The following WNK4 variants were observed in gnomAD, a reference collection of about 807,000 sequenced individuals.
WNK4 encodes the protein serine/threonine-protein kinase WNK4.
A neutral mutation model predicts 116.2 loss-of-function variants in WNK4; 94 were observed. The observed-to-expected ratio is 0.81, with a 90% CI of 0.68 to 0.96. The LOEUF (loss-of-function observed/expected upper bound fraction) is 0.96, where lower values mean the gene tolerates loss of function less well. WNK4 is among the 40% of genes least tolerant of loss of function. The pLI, the probability that WNK4 is intolerant of heterozygous loss-of-function variation, is 0.00. For missense variants in WNK4, 1,542 were observed against 1,650.6 expected, an observed-to-expected ratio of 0.93 and a Z score of 1.14; for synonymous variants, 655 against 672.7, an observed-to-expected ratio of 0.97 and a Z score of 0.41.
Position 42,795,168 on chromosome 17 carries a change from C to G in WNK4, c.2747C>G (p.Pro916Arg). 6.2e-7 allele frequency: 1 copy of G among 1,614,026 alleles called. No homozygotes were observed. The highest frequency in any genetic ancestry group is 1.1e-5 in the South Asian group (1 of 91,072). Residue 916 changes from proline to arginine, a missense_variant, in exon 14 of 19, where the codon CCC (proline) becomes CGC (arginine). Coordinates refer to ENST00000246914, the MANE Select transcript of WNK4 (RefSeq NM_032387.5). ...FPPCPSTSSF[P>R]STTAAPLLSL... The stretch of plus-strand genomic sequence containing the variant: ...CCGTGCCCCTCCACTTCTTCCTTCC[C>G]CTCCACCACAGCAGCCCCTCTCCTT...
rs199875683 is a variant in WNK4, at chr17:42,796,671, T to C, written c.3730-15T>C. 3.1e-6 allele frequency: 5 copies of C among 1,614,184 alleles called. No individual in the cohort carries two copies. Among genetic ancestry groups the C allele is most frequent in the Non-Finnish European group, 4.2e-6 (5 of 1,180,024 alleles). On this transcript the variant is annotated splice_polypyrimidine_tract_variant and intron_variant, in intron 18 of 18. Transcript: ENST00000246914. ...ACCTTGGAGGTTTCTTCATCACTTTTTCTTTTCCCTCCAGTGAATTCAGAA... is the reference window on the plus strand; with the variant it reads ...ACCTTGGAGGTTTCTTCATCACTTTCTCTTTTCCCTCCAGTGAATTCAGAA...
Position 42,796,904 on chromosome 17 carries a change from C to A in WNK4, c.*216C>A. The A allele has an allele frequency of 2.3e-6, 2 of 883,682 alleles. No homozygotes were observed. The highest frequency in any genetic ancestry group is 3.4e-6 in the Non-Finnish European group (2 of 590,140). The allele number at this position is 883,682 out of a possible 1,614,324, so 54.7% of individuals were successfully genotyped here. ...CTGTGTGGAGGTGTTAGTTCTGCTG[C>A]CTACCATCTTCATCTCTAGCACCTC... On this transcript the variant is annotated 3_prime_UTR_variant, in exon 19 of 19. Transcript: ENST00000246914.
rs370527167 is a variant in WNK4 at position 42,780,790 on chromosome 17, C to A, written c.92C>A (p.Ala31Glu). 5.4e-5 allele frequency: 86 copies of A among 1,603,898 alleles called. No individual in the cohort carries two copies. In the East Asian group the frequency reaches 1.5e-3, roughly 27 times the overall value. Residue 31 changes from alanine (A) to glutamate (E), a missense_variant, in exon 1 of 19, where the codon GCG (alanine) becomes GAG (glutamate). By Grantham distance (107) the Ala-to-Glu change is moderately radical (BLOSUM62 -1). Transcript: ENST00000246914. ...ALRPPPPLGT[A>E]GQPRLGPPPR... ...CGGCCCCCGCCTCCTCTTGGCACCG[C>A]GGGGCAGCCCCGCCTCGGGCCCCCT... is the stretch of plus-strand genomic sequence containing the variant.
chr17:42,785,813 G>C (rs1210736009), intron 6 of WNK4, among the ~76,000 whole-genome samples: 1 of 151,492 alleles, frequency 6.6e-6, no homozygotes, highest in Non-Finnish European at 1.5e-5. Flanking sequence ...CTTCCAATAT[G>C]ATCAGAACCA....
At position 42,796,377 on chromosome 17, in the gene WNK4, C is replaced by A. The variant is rs533231419; in HGVS notation, c.3631+55C>A. On this transcript the variant is annotated intron_variant, in intron 17 of 18. Coordinates refer to ENST00000246914, the MANE Select transcript of WNK4 (RefSeq NM_032387.5). ...TTTCCCTGAGACCCCTTTCTGTCGA[C>A]TGTTTTTCTCCAGGCCCTGGGGGTC... is the stretch of plus-strand genomic sequence containing the variant. The A allele has an allele frequency of 1.4e-5, 23 of 1,611,566 alleles. No individual in the cohort carries two copies. The South Asian group carries it at 2.5e-4, about 18-fold the overall frequency.
chr17:42,781,461 C>T, intron 1 of WNK4, 145 bp downstream of exon 1: 2 of 1,148,500 alleles, frequency 1.7e-6, no homozygotes, highest in East Asian at 2.6e-5. Context: ...TGTCTTTGCC[C>T]TGAATGATCT....
In WNK4 at chr17:42,781,350, G is replaced by T. The variant is rs61754329; in HGVS notation, c.618+34G>T. On this transcript the variant is annotated intron_variant, in intron 1 of 18. Coordinates refer to ENST00000246914, the MANE Select transcript of WNK4 (RefSeq NM_032387.5). ...GGGAGCCCCCTCGGTGGCACCTTGGGATGGGACTCTGGAGGTCTTAGGATG... is the reference window on the plus strand; with the variant it reads ...GGGAGCCCCCTCGGTGGCACCTTGGTATGGGACTCTGGAGGTCTTAGGATG... 3.8e-5 allele frequency: 61 copies of T among 1,613,856 alleles called. No individual in the cohort carries two copies. In the African/African-American group the frequency reaches 7.3e-4, roughly 19 times the overall value.
Position 42,781,034 on chromosome 17 carries a change from G to A in WNK4, c.336G>A (p.Glu112=). 1.2e-6 allele frequency: 2 copies of A among 1,610,880 alleles called. No homozygotes were observed. Among genetic ancestry groups the A allele is most frequent in the Non-Finnish European group, 8.5e-7 (1 of 1,179,418 alleles). ...AACCCCCCGAGGGCACGTGGACCGA[G>A]GGAGCCCCTGTGAAGGCTGCGGAAG... is the stretch of plus-strand genomic sequence containing the variant. ...SKEPPEGTWT[E]GAPVKAAEDS... is the part of the protein sequence containing the mutation. The change falls in exon 1 of 19, where the codon GAG becomes GAA. Residue 112 remains glutamate, a synonymous_variant. Transcript: ENST00000246914.
At position 42,784,180 on chromosome 17, in the gene WNK4, A is replaced by G; in HGVS notation, c.1012+23A>G. 6.2e-7 allele frequency: 1 copy of G among 1,603,330 alleles called. No homozygotes were observed. The highest frequency in any genetic ancestry group is 1.6e-4 in the Middle Eastern group (1 of 6,062). ...TCGGTGCGTCTCTCCAGGAGGGTCC[A>G]TGCCATTCCTTCCTCCCCCACCTCA... is the stretch of plus-strand genomic sequence containing the variant. On this transcript the variant is annotated intron_variant, in intron 3 of 18. Coordinates refer to ENST00000246914, the MANE Select transcript of WNK4 (RefSeq NM_032387.5). This position sits in a 1 kb window ranked among gnomAD's most constrained non-coding sequence, Gnocchi z 4.4.
In WNK4 at chr17:42,793,723, C is replaced by G; in HGVS notation, c.2289C>G (p.Ser763Arg). The change falls in exon 12 of 19, where the codon AGC (serine) becomes AGG (arginine). Residue 763 changes from serine to arginine, a missense_variant. Around this residue, in one of 7 missense-constraint regions of WNK4, gnomAD observed 808 missense variants for 873.6 expected, o/e 0.92. Coordinates refer to ENST00000246914, the MANE Select transcript of WNK4 (RefSeq NM_032387.5). ...GPMEAAEDTLSPQEEPAPLPA... is the reference protein window; with the variant it reads ...GPMEAAEDTLRPQEEPAPLPA... ...TGGAGGCTGCTGAAGACACCCTAAG[C>G]CCCCAGGTCAGACCCCTTGGTGGAC... 6.2e-7 allele frequency: 1 copy of G among 1,613,996 alleles called. No individual in the cohort carries two copies. The highest frequency in any genetic ancestry group is 8.5e-7 in the Non-Finnish European group (1 of 1,179,914).
At position 42,782,769 on chromosome 17, in the gene WNK4, G is replaced by C. The variant is rs765701300; in HGVS notation, c.630G>C (p.Leu210=). ...CCCCCATCCCACAGACTCGGAAACT[G>C]TCTAGAGCTGAGCGGCAGCGCTTCT... The part of the protein sequence containing the change: ...VAWCELQTRK[L]SRAERQRFSE... Residue 210 remains leucine, a synonymous_variant, in exon 2 of 19, where the codon CTG becomes CTC. Coordinates refer to ENST00000246914, the MANE Select transcript of WNK4 (RefSeq NM_032387.5). This position sits in a 1 kb window ranked among gnomAD's most constrained non-coding sequence, Gnocchi z 4.2. 2.5e-6 allele frequency: 4 copies of C among 1,614,128 alleles called. No homozygotes were observed. The highest frequency in any genetic ancestry group is 3.3e-5 in the Admixed American group (2 of 60,026).
intron 1 of WNK4, among the ~76,000 whole-genome samples, chr17:42,781,878 C>T (rs1054155493): frequency 1.3e-5 from 2 of 152,284 alleles, no homozygotes; most frequent in African/African-American, 2.4e-5. Context: ...TCCACAGCTG[C>T]GAGGAGGGGG....
At position 42,782,969 on chromosome 17, in the gene WNK4, G is replaced by A. The variant is rs199840598; in HGVS notation, c.791+39G>A. On this transcript the variant is annotated intron_variant, in intron 2 of 18. Transcript: ENST00000246914. The surrounding 1 kb of genome is among the most constrained non-coding windows in gnomAD (Gnocchi z 4.2). Reference sequence around the variant, plus strand: ...ATGAGTGGGTGGGGAGAGGGAGGCTGGGATGTGTGCCCACTGCTTCCTGAA... The same window carrying A: ...ATGAGTGGGTGGGGAGAGGGAGGCTAGGATGTGTGCCCACTGCTTCCTGAA... 27 of 1,607,916 alleles carry A rather than the reference G, an allele frequency of 1.7e-5. No homozygotes were observed. The East Asian group carries it at 5.4e-4, about 32-fold the overall frequency.
At chr17:42,790,260 A>G (rs2054595430) in intron 11 of WNK4, among the ~76,000 whole-genome samples, 1 of 152,220 alleles carries the variant, frequency 6.6e-6, no homozygotes, top group Non-Finnish European at 1.5e-5. Flanking sequence ...CATAGTACAT[A>G]GTAGATGCTC....
Position 42,785,388 on chromosome 17 carries a change from A to G in WNK4, c.1382A>G (p.Asp461Gly). 6.3e-7 allele frequency: 1 copy of G among 1,593,366 alleles called. No individual in the cohort carries two copies. The highest frequency in any genetic ancestry group is 8.5e-7 in the Non-Finnish European group (1 of 1,169,998). Residue 461 changes from aspartate to glycine, a missense_variant, in exon 6 of 19, where the codon GAC becomes GGC. By Grantham distance (94) the Asp-to-Gly change is moderately conservative (BLOSUM62 -1). Around this residue, in one of 7 missense-constraint regions of WNK4, gnomAD observed 808 missense variants for 873.6 expected, o/e 0.92. Coordinates refer to ENST00000246914, the MANE Select transcript of WNK4 (RefSeq NM_032387.5). ...PGLKLWLRME[D>G]ARRGGRPRDN... ...CTCAAGCTCTGGCTGCGCATGGAGG[A>G]CGCGCGGCGCGGGGGGCGCCCACGG...
rs758915940 is a variant in WNK4, at chr17:42,784,565, C to T, written c.1156C>T (p.Arg386Cys). 10 of 1,614,038 alleles carry T rather than the reference C, an allele frequency of 6.2e-6. No individual in the cohort carries two copies. The highest frequency in any genetic ancestry group is 8.5e-6 in the Non-Finnish European group (10 of 1,180,042). ...SECQNAAQIYRKVTSGRKPNS... is the reference protein window; with the variant it reads ...SECQNAAQIYCKVTSGRKPNS... Reference sequence around the variant, plus strand: ...GTGCCAGAATGCCGCGCAAATCTACCGCAAGGTCACTTCGGTGAGAGGGAT... The same window carrying T: ...GTGCCAGAATGCCGCGCAAATCTACTGCAAGGTCACTTCGGTGAGAGGGAT... Residue 386 changes from arginine to cysteine, a missense_variant, in exon 4 of 19, where the codon CGC (arginine) becomes TGC (cysteine). Physicochemically the swap from Arg to Cys is radical, Grantham distance 180. Coordinates refer to ENST00000246914, the MANE Select transcript of WNK4 (RefSeq NM_032387.5). This position sits in a 1 kb window ranked among gnomAD's most constrained non-coding sequence, Gnocchi z 4.4.
chr17:42,794,763 C>T lies in WNK4; in HGVS notation c.2351-9C>T. ...TGGGACTGTGGTCTCAACATACCCT[C>T]CTTCCCAGAAGAGCTCCAGAGCAGC... On this transcript the variant is annotated splice_polypyrimidine_tract_variant and intron_variant, in intron 13 of 18. Transcript: ENST00000246914. 6.2e-7 allele frequency: 1 copy of T among 1,613,980 alleles called. No homozygotes were observed. The highest frequency in any genetic ancestry group is 8.5e-7 in the Non-Finnish European group (1 of 1,179,962).
At chr17:42,796,360 A>G in intron 17 of WNK4, 38 bp downstream of exon 17, 1 of 1,609,706 alleles carries the variant, frequency 6.2e-7, no homozygotes, top group Non-Finnish European at 8.5e-7. Flanking sequence ...CTTTTCCCTG[A>G]GACCCCTTTC....
In WNK4 at chr17:42,784,244, T is replaced by C. The variant is rs552447081; in HGVS notation, c.1012+87T>C. On this transcript the variant is annotated intron_variant, in intron 3 of 18. Coordinates refer to ENST00000246914, the MANE Select transcript of WNK4 (RefSeq NM_032387.5). The surrounding 1 kb of genome is among the most constrained non-coding windows in gnomAD (Gnocchi z 4.4). ...GGACTCCCTCCCCTCAGCAAGGGCC[T>C]TCAAGGTCCACAAAACTACCAGACG... is the stretch of plus-strand genomic sequence containing the variant. The C allele has an allele frequency of 6.3e-7, 1 of 1,575,660 alleles. No homozygotes were observed. The highest frequency in any genetic ancestry group is 1.1e-5 in the South Asian group (1 of 90,114).
Sources: allele counts gnomAD v4.1 joint callset (sites outside exome capture counted in the v4.1 genomes callset), GRCh38; gene constraint gnomAD v4.1.1; regional missense constraint gnomAD v4.1.1; non-coding constraint Gnocchi (gnomAD v3.1); transcripts MANE v1.5; gene names NCBI Gene and HGNC (gene_info 2026-07-23, HGNC 2026-07-21).